PRKN: variants seen among roughly 807,000 people sequenced by gnomAD.
PRKN encodes parkin RBR E3 ubiquitin protein ligase, also known as E3 ubiquitin-protein ligase parkin.
A neutral mutation model predicts 59.5 loss-of-function variants in PRKN; 56 were observed. The observed-to-expected ratio is 0.94, with a 90% CI of 0.76 to 1.18. The LOEUF (loss-of-function observed/expected upper bound fraction) is 1.18. Among genes scored for constraint, PRKN ranks in the 50% most tolerant of loss-of-function variants. The pLI, the probability that PRKN is intolerant of heterozygous loss-of-function variation, is 0.00. For missense variants in PRKN, 657 were observed against 596.4 expected (o/e 1.10, Z -1.06); for synonymous variants, 250 against 222.1 (o/e 1.13, Z -1.12).
At chr6:162,664,544 G>A (rs920813855) in intron 1 of PRKN, among the ~76,000 whole-genome samples, 3 of 152,084 alleles carry the variant, frequency 2.0e-5, no homozygotes, top group African/African-American at 7.2e-5. Flanking sequence ...TCCATGGCCT[G>A]GCCAGCATCT....
chr6:161,485,825 T>G (rs113227612), intron 9 of PRKN, among the ~76,000 whole-genome samples: 1,685 of 151,934 alleles, frequency 0.011, 19 homozygotes, highest in Admixed American at 0.018. Flanking sequence ...TGCTTTATAT[T>G]GAAATTTCAT....
chr6:162,673,036 G>A (rs1779393409), intron 1 of PRKN, among the ~76,000 whole-genome samples: 1 of 152,052 alleles, frequency 6.6e-6, no homozygotes, highest in African/African-American at 2.4e-5. Flanking sequence ...ATAGCCAAGA[G>A]CAAAGCATTC....
intron 2 of PRKN, among the ~76,000 whole-genome samples, chr6:162,419,907 T>G (rs138295521): frequency 6.6e-6 from 1 of 152,004 alleles, no homozygotes; most frequent in East Asian, 1.9e-4. Flanking sequence ...CCCTCCTGAT[T>G]TGGGAAAATT....
At chr6:162,555,228 T>C (rs1779513173) in intron 1 of PRKN, among the ~76,000 whole-genome samples, 2 of 152,178 alleles carry the variant, frequency 1.3e-5, no homozygotes, top group African/African-American at 2.4e-5. Context: ...TCTAGAGTAA[T>C]ATAATAGATG....
chr6:162,354,363 A>T (rs1301721191), intron 2 of PRKN, among the ~76,000 whole-genome samples: 1 of 152,150 alleles, frequency 6.6e-6, no homozygotes, highest in Non-Finnish European at 1.5e-5. Flanking sequence ...AAATTGCGTC[A>T]CAAAGCAGTC....
At chr6:162,290,642 C>T (rs952385617) in intron 2 of PRKN, among the ~76,000 whole-genome samples, 2 of 152,046 alleles carry the variant, frequency 1.3e-5, no homozygotes, top group Admixed American at 1.3e-4. Flanking sequence ...GATTTTCAAG[C>T]TAAAACAGAT....
At chr6:161,614,963 CAGAGAGAGAGAGAGAG>C (rs71694349) in intron 7 of PRKN, among the ~76,000 whole-genome samples, 1 of 147,226 alleles carries the variant, frequency 6.8e-6, no homozygotes, top group Non-Finnish European at 1.5e-5. Flanking sequence ...GAGAGGAAGA[CAGAGAGAGAGAGAGAG>C]AGAGAGAGAG....
chr6:162,299,418 C>T (rs1158701876), intron 2 of PRKN, among the ~76,000 whole-genome samples: 1 of 152,072 alleles, frequency 6.6e-6, no homozygotes, highest in East Asian at 1.9e-4. Context: ...ATTCTTTTCT[C>T]CCTCTTTGTG....
chr6:162,272,306 A>C (rs1780430786), intron 2 of PRKN, among the ~76,000 whole-genome samples: 1 of 152,176 alleles, frequency 6.6e-6, no homozygotes, highest in Non-Finnish European at 1.5e-5. Flanking sequence ...ACCCACTTTA[A>C]AATTGTGTTT....
chr6:161,953,329 T>C (rs904221009), intron 6 of PRKN, among the ~76,000 whole-genome samples: 3 of 152,120 alleles, frequency 2.0e-5, no homozygotes, highest in African/African-American at 7.2e-5. Flanking sequence ...CAGGCTGATT[T>C]TGAACTCCTG....
At position 161,487,925 on chromosome 6, in the gene PRKN, A is replaced by AT. The variant is rs1305997098; in HGVS notation, c.1083+60928dup. 1.6e-4 allele frequency among the ~76,000 whole-genome samples: 24 copies of AT among 152,122 alleles called. No individual in the cohort carries two copies. Among genetic ancestry groups the AT allele is most frequent in the Admixed American group, 1.3e-3 (20 of 15,284 alleles). The stretch of plus-strand genomic sequence containing the variant: ...TTTCTTCCCTCCCGTCATTAAACAC[A>AT]TATTTACTGAATACCTACAAAACTT... On this transcript the variant is annotated intron_variant, in intron 9 of 11. Transcript: ENST00000366898. This position sits in a 1 kb window ranked among gnomAD's most constrained non-coding sequence, Gnocchi z 5.3.
chr6:161,928,002 C>T (rs958497015), intron 6 of PRKN, among the ~76,000 whole-genome samples: 1 of 152,120 alleles, frequency 6.6e-6, no homozygotes, highest in Non-Finnish European at 1.5e-5. Context: ...GGAAATACAC[C>T]TACTATGATG....
chr6:162,183,387 A>G (rs1783884475), intron 4 of PRKN, among the ~76,000 whole-genome samples: 2 of 152,170 alleles, frequency 1.3e-5, no homozygotes, highest in South Asian at 4.1e-4. Flanking sequence ...TTTCCCTGCC[A>G]TCATCATCTT....
intron 2 of PRKN, among the ~76,000 whole-genome samples, chr6:162,304,905 A>G (rs1373290140): frequency 1.3e-5 from 2 of 152,174 alleles, no homozygotes. Flanking sequence ...GTAATCAAAC[A>G]GTTTCCAAAT....
At chr6:162,277,203 A>C (rs971416945) in intron 2 of PRKN, among the ~76,000 whole-genome samples, 1 of 152,192 alleles carries the variant, frequency 6.6e-6, no homozygotes, top group Non-Finnish European at 1.5e-5. Context: ...GGATTTTGGC[A>C]GTTTCCAAGT....
At chr6:162,332,001 C>T (rs1783603918) in intron 2 of PRKN, among the ~76,000 whole-genome samples, 1 of 152,100 alleles carries the variant, frequency 6.6e-6, no homozygotes, top group African/African-American at 2.4e-5. Flanking sequence ...TGCAAAATGC[C>T]AGTCTTGTGA....
At chr6:161,873,305 T>A (rs770684360) in intron 6 of PRKN, among the ~76,000 whole-genome samples, 8 of 151,968 alleles carry the variant, frequency 5.3e-5, no homozygotes, top group Non-Finnish European at 8.8e-5. Flanking sequence ...TCTCGCTCCA[T>A]GTTTGGAACA....
intron 6 of PRKN, among the ~76,000 whole-genome samples, chr6:161,949,217 C>G (rs1383832681): frequency 6.6e-6 from 1 of 152,152 alleles, no homozygotes; most frequent in African/African-American, 2.4e-5. Context: ...GTTCTCCTGA[C>G]TTAAAAACTC....
intron 1 of PRKN, among the ~76,000 whole-genome samples, chr6:162,501,169 T>C (rs1260664873): frequency 2.0e-5 from 3 of 152,064 alleles, no homozygotes; most frequent in Admixed American, 2.0e-4. Context: ...ATAATAATAG[T>C]AATAAAAGGT....
Sources: allele counts gnomAD v4.1 joint callset (sites outside exome capture counted in the v4.1 genomes callset), GRCh38; gene constraint gnomAD v4.1.1; non-coding constraint Gnocchi (gnomAD v3.1); transcripts MANE v1.5; gene names NCBI Gene and HGNC (gene_info 2026-07-23, HGNC 2026-07-21).